UNC13C: variants seen among roughly 807,000 people sequenced by gnomAD.
UNC13C encodes the protein protein unc-13 homolog C.
UNC13C carries 174 observed loss-of-function variants against 245.4 expected under a neutral mutation model. That is an observed-to-expected ratio of 0.71 (90% CI 0.63 to 0.80). The LOEUF is 0.80. Ranked by LOEUF, UNC13C falls within the 30% of genes least tolerant of loss-of-function variation. The pLI is 0.00. For synonymous variants in UNC13C, 992 were observed against 895.1 expected (o/e 1.11, Z -1.93); for missense variants, 2,829 against 2,602.9 (o/e 1.09, Z -1.89).
chr15:54,327,125 G>C (rs184153436), intron 14 of UNC13C, among the ~76,000 whole-genome samples: 9 of 152,100 alleles, frequency 5.9e-5, no homozygotes, highest in Admixed American at 5.9e-4. Flanking sequence ...GTGGGAGGCA[G>C]TCAATATTTT....
the UNC13C span, among the ~76,000 whole-genome samples, chr15:53,923,430 A>G: frequency 2.6e-5 from 4 of 152,224 alleles, no homozygotes; most frequent in African/African-American, 7.2e-5. Flanking sequence ...AGATTCTTCC[A>G]TGATAGAAGG....
intron 17 of UNC13C, among the ~76,000 whole-genome samples, chr15:54,364,910 C>T (rs112601897): frequency 7.2e-5 from 11 of 152,246 alleles, no homozygotes; most frequent in African/African-American, 1.2e-4. Context: ...CGATCAAACT[C>T]GGGCATAACC....
At chr15:53,941,113 A>G in the UNC13C span, among the ~76,000 whole-genome samples, 1 of 152,290 alleles carries the variant, frequency 6.6e-6, no homozygotes, top group South Asian at 2.1e-4. Flanking sequence ...AGACACATAG[A>G]CCAATGGGAC....
At chr15:54,329,159 T>C (rs1185433423) in intron 14 of UNC13C, among the ~76,000 whole-genome samples, 1 of 150,968 alleles carries the variant, frequency 6.6e-6, no homozygotes, top group Non-Finnish European at 1.5e-5. Flanking sequence ...ATTGGATACG[T>C]AATAGTTGTA....
chr15:54,059,472 A>G (rs878869255), intron 2 of UNC13C, among the ~76,000 whole-genome samples: 6 of 152,216 alleles, frequency 3.9e-5, no homozygotes, highest in Non-Finnish European at 8.8e-5. Flanking sequence ...AGAGGATACA[A>G]ACAAATGGAA....
At chr15:54,563,526 T>C (rs576510897) in intron 29 of UNC13C, among the ~76,000 whole-genome samples, 25 of 152,154 alleles carry the variant, frequency 1.6e-4, no homozygotes, top group Non-Finnish European at 2.9e-4. Flanking sequence ...TACATTATAC[T>C]GCAGGCCATA....
chr15:54,157,440 A>G (rs958172866), intron 4 of UNC13C, among the ~76,000 whole-genome samples: 4 of 152,206 alleles, frequency 2.6e-5, no homozygotes, highest in Non-Finnish European at 5.9e-5. Context: ...TCTAGCACAC[A>G]TAGAAAATAA....
At chr15:54,522,878 A>C (rs1895281679) in intron 24 of UNC13C, among the ~76,000 whole-genome samples, 1 of 152,168 alleles carries the variant, frequency 6.6e-6, no homozygotes, top group Non-Finnish European at 1.5e-5. Flanking sequence ...TGACTTATGA[A>C]TATTCGAAAT....
intron 17 of UNC13C, among the ~76,000 whole-genome samples, chr15:54,372,341 G>A (rs2039504788): frequency 1.3e-5 from 2 of 151,824 alleles, no homozygotes; most frequent in African/African-American, 2.4e-5. Flanking sequence ...TTTTCCTTAA[G>A]AGCCTAGATT....
At chr15:54,296,792 T>C (rs1336476299) in intron 11 of UNC13C, among the ~76,000 whole-genome samples, 1 of 152,220 alleles carries the variant, frequency 6.6e-6, no homozygotes, top group Non-Finnish European at 1.5e-5. Flanking sequence ...CCTATTTTCA[T>C]TTGTGAAATG....
At chr15:54,197,655 C>A (rs1238052019) in intron 4 of UNC13C, among the ~76,000 whole-genome samples, 2 of 151,954 alleles carry the variant, frequency 1.3e-5, no homozygotes, top group Non-Finnish European at 2.9e-5. Context: ...GTAAAAGGAA[C>A]CTTTAAAAAT....
At chr15:53,906,054 C>T in the UNC13C span, among the ~76,000 whole-genome samples, 1 of 152,096 alleles carries the variant, frequency 6.6e-6, no homozygotes, top group Non-Finnish European at 1.5e-5. Flanking sequence ...CTGCAATAGG[C>T]TTGGCACAGT....
At chr15:54,246,589 TTATAA>T (rs2035998446) in intron 7 of UNC13C, among the ~76,000 whole-genome samples, 1 of 152,198 alleles carries the variant, frequency 6.6e-6, no homozygotes, top group Non-Finnish European at 1.5e-5. Flanking sequence ...ATGCACTTTA[TTATAA>T]TCTTAAAATA....
chr15:54,197,039 C>A (rs1031031294), intron 4 of UNC13C, among the ~76,000 whole-genome samples: 7 of 151,884 alleles, frequency 4.6e-5, no homozygotes, highest in African/African-American at 1.7e-4. Context: ...CCCATGTACC[C>A]TAAAACTTAA....
chr15:54,482,599 G>GTC (rs1893182604), intron 19 of UNC13C, among the ~76,000 whole-genome samples: 1 of 59,076 alleles, frequency 1.7e-5, no homozygotes, highest in African/African-American at 6.8e-5. Flanking sequence ...GAAGTTCTCT[G>GTC]TCTCTTCCCT....
chr15:54,231,949 G>A (rs1247050216), intron 4 of UNC13C, among the ~76,000 whole-genome samples: 1 of 152,016 alleles, frequency 6.6e-6, no homozygotes, highest in African/African-American at 2.4e-5. Flanking sequence ...TTACTAGTTT[G>A]TGTTACTTAA....
intron 19 of UNC13C, among the ~76,000 whole-genome samples, chr15:54,457,943 G>A (rs779803921): frequency 1.6e-4 from 16 of 101,602 alleles, no homozygotes; most frequent in African/African-American, 4.0e-4. Context: ...GGTTTAGTTC[G>A]TTCTTGTTTC....
At chr15:54,479,515 A>G (rs542162908) in intron 19 of UNC13C, among the ~76,000 whole-genome samples, 2 of 152,144 alleles carry the variant, frequency 1.3e-5, no homozygotes, top group African/African-American at 4.8e-5. Flanking sequence ...ATTTTTTTAA[A>G]TCCATTTAAC....
the UNC13C span, among the ~76,000 whole-genome samples, chr15:53,964,763 ATG>A: frequency 6.6e-6 from 1 of 152,214 alleles, no homozygotes; most frequent in Non-Finnish European, 1.5e-5. Context: ...TAAAAATAGC[ATG>A]TCATCTAAAG....
Sources: gnomAD v4.1 joint callset for allele counts (sites outside exome capture counted in the v4.1 genomes callset) on GRCh38, gnomAD v4.1.1 for gene constraint, MANE v1.5 for transcripts, NCBI Gene and HGNC (gene_info 2026-07-23, HGNC 2026-07-21) for gene names.